The following CNIH3 variants were observed in gnomAD, a reference collection of about 807,000 sequenced individuals.
CNIH3 encodes cornichon family AMPA receptor auxiliary protein 3.
A neutral mutation model predicts 24.1 loss-of-function variants in CNIH3; 14 were observed. The observed-to-expected ratio is 0.58, with a 90% confidence interval of 0.38 to 0.91. CNIH3 has a LOEUF of 0.91. CNIH3 is among the 40% of genes least tolerant of loss of function. CNIH3 has a pLI of 0.00. For synonymous variants in CNIH3, 68 were observed against 73.8 expected (o/e 0.92, Z 0.40); for missense variants, 178 against 196.8 (o/e 0.90, Z 0.57).
At chr1:224,444,250 A>G (rs1463447424) in intron 1 of CNIH3, among the ~76,000 whole-genome samples, 1 of 152,232 alleles carries the variant, frequency 6.6e-6, no homozygotes, top group African/African-American at 2.4e-5. Flanking sequence ...TAATATTGTC[A>G]TCAGATATGC....
In CNIH3 at chr1:224,653,422, CA is replaced by C. The variant is rs60825350; in HGVS notation, c.82-27520del. ...GGGCAGCAAGAGTGAAACTCCACCT[CA>C]AAAAAAAAAAAAAAAGTGACTGTAG... On this transcript the variant is annotated intron_variant, in intron 1 of 5. Transcript: ENST00000272133. 7.8e-3 allele frequency among the ~76,000 whole-genome samples: 889 copies of C among 114,292 alleles called. 2 individuals are homozygous for C. Among genetic ancestry groups the C allele is most frequent in the Non-Finnish European group, 0.013 (636 of 50,334 alleles). The allele number at this position is 114,292 out of a possible 152,430, so 75.0% of individuals were successfully genotyped here.
chr1:224,637,622 G>C (rs1398878501), intron 1 of CNIH3, among the ~76,000 whole-genome samples: 1 of 152,154 alleles, frequency 6.6e-6, no homozygotes, highest in East Asian at 1.9e-4. Context: ...CTTTGTCATA[G>C]TGTTGTCTGG....
chr1:224,467,849 C>G (rs1425737912), intron 1 of CNIH3, among the ~76,000 whole-genome samples: 1 of 150,240 alleles, frequency 6.7e-6, no homozygotes, highest in African/African-American at 2.4e-5. Context: ...ATCAATGATT[C>G]ATTTTAAGTT....
rs1687617128 is a variant in CNIH3 at position 224,703,511 on chromosome 1, CA to C, written c.198+18669del. On this transcript the variant is annotated intron_variant, in intron 3 of 5. Coordinates refer to ENST00000272133, the MANE Select transcript of CNIH3 (RefSeq NM_152495.2). This position sits in a 1 kb window ranked among gnomAD's most constrained non-coding sequence, Gnocchi z 4.2. The stretch of plus-strand genomic sequence containing the variant: ...CACTGTGCAGCTAAGTTGGAAAAAT[CA>C]GTGCCCTAGGGAGCATTTTGCAGTG... 6.6e-6 allele frequency among the ~76,000 whole-genome samples: 1 copy of C among 152,138 alleles called. No homozygotes were observed. Among genetic ancestry groups the C allele is most frequent in the African/African-American group, 2.4e-5 (1 of 41,414 alleles).
chr1:224,512,105 G>T (rs936025034), upstream of CNIH3, among the ~76,000 whole-genome samples: 1 of 151,594 alleles, frequency 6.6e-6, no homozygotes, highest in Non-Finnish European at 1.5e-5. Flanking sequence ...AACCCTGGAG[G>T]TGGAGGTTGC....
At chr1:224,438,778 C>T (rs1674773713) in intron 1 of CNIH3, among the ~76,000 whole-genome samples, 1 of 152,276 alleles carries the variant, frequency 6.6e-6, no homozygotes, top group East Asian at 1.9e-4. Flanking sequence ...TTAACTTTCG[C>T]AGCCCCTCAG....
At chr1:224,537,539 C>T (rs1322244423), downstream of CNIH3, 2 of 152,222 alleles carry the variant, frequency 1.3e-5, no homozygotes, top group Non-Finnish European at 2.9e-5. Context: ...ACGTCTTACA[C>T]ATATTGATTG....
At chr1:224,496,664 C>A (rs781146694) in intron 1 of CNIH3, among the ~76,000 whole-genome samples, 2 of 152,164 alleles carry the variant, frequency 1.3e-5, no homozygotes, top group Non-Finnish European at 2.9e-5. Flanking sequence ...GGATGGGTCC[C>A]TTCCCTCAAA....
At chr1:224,669,337 A>G (rs1412345740) in intron 1 of CNIH3, among the ~76,000 whole-genome samples, 1 of 152,134 alleles carries the variant, frequency 6.6e-6, no homozygotes, top group Non-Finnish European at 1.5e-5. Flanking sequence ...TGTGTTTCCC[A>G]ATTTGTACTC....
rs757269444 is a variant in CNIH3 at position 224,703,748 on chromosome 1, A to T, written c.198+18905A>T. Reference sequence around the variant, plus strand: ...TTTTTCATGAGGCAAAAATATTCCTAGTATTTTTATACATGTGAACATTTC... The same window carrying T: ...TTTTTCATGAGGCAAAAATATTCCTTGTATTTTTATACATGTGAACATTTC... On this transcript the variant is annotated intron_variant, in intron 3 of 5. Coordinates refer to ENST00000272133, the MANE Select transcript of CNIH3 (RefSeq NM_152495.2). The surrounding 1 kb of genome is among the most constrained non-coding windows in gnomAD (Gnocchi z 4.2). Among the ~76,000 whole-genome samples the T allele has an allele frequency of 6.6e-6, 1 of 152,196 alleles. No individual in the cohort carries two copies. The highest frequency in any genetic ancestry group is 1.5e-5 in the Non-Finnish European group (1 of 68,026).
In CNIH3 at chr1:224,573,122, C is replaced by T. The variant is rs775380665; in HGVS notation, n.516+6858C>T. The stretch of plus-strand genomic sequence containing the variant: ...ATATCACTAGTAATGTTCCCAGCAT[C>T]GTTTTGTATTTTAGTAACTTGAGTC... On this transcript the variant is annotated intron_variant and non_coding_transcript_variant, in intron 4 of 5. Coordinates refer to the CNIH3 transcript ENST00000471578. Among the ~76,000 whole-genome samples, 41 of 152,188 alleles carry T rather than the reference C, an allele frequency of 2.7e-4. 1 individual carries two copies. The highest frequency in any genetic ancestry group is 9.8e-4 in the Admixed American group (15 of 15,284).
At chr1:224,652,860 T>C (rs1446836406) in intron 1 of CNIH3, among the ~76,000 whole-genome samples, 2 of 152,132 alleles carry the variant, frequency 1.3e-5, no homozygotes, top group Non-Finnish European at 2.9e-5. Context: ...GGGCTTCTTC[T>C]CTCTGCCTAA....
chr1:224,522,198 A>G (rs1678662728), intron 2 of CNIH3, among the ~76,000 whole-genome samples: 1 of 152,180 alleles, frequency 6.6e-6, no homozygotes, highest in Non-Finnish European at 1.5e-5. Flanking sequence ...AGCTTCTATC[A>G]TCTGAAAGTT....
chr1:224,560,645 TCTAATGC>T (rs1317903452), intron 3 of CNIH3, among the ~76,000 whole-genome samples: 1 of 151,784 alleles, frequency 6.6e-6, no homozygotes, highest in Middle Eastern at 3.2e-3. Context: ...CTTATGAAAA[TCTAATGC>T]CTGATGATCT....
intron 3 of CNIH3, among the ~76,000 whole-genome samples, chr1:224,562,145 T>C (rs1185365987): frequency 2.6e-5 from 4 of 152,234 alleles, no homozygotes; most frequent in Admixed American, 6.5e-5. Flanking sequence ...TACTTTTGTA[T>C]TGGGCTTCAA....
At chr1:224,675,766 A>G (rs1165116954) in intron 1 of CNIH3, among the ~76,000 whole-genome samples, 1 of 152,240 alleles carries the variant, frequency 6.6e-6, no homozygotes, top group Non-Finnish European at 1.5e-5. Context: ...TTACAGCTGT[A>G]ATGATAACTC....
At chr1:224,580,294 T>C (rs1681215743) in intron 4 of CNIH3, among the ~76,000 whole-genome samples, 3 of 152,154 alleles carry the variant, frequency 2.0e-5, no homozygotes, top group Admixed American at 2.0e-4. Context: ...CACTCATCCA[T>C]CTGCTTTCCA....
intron 1 of CNIH3, among the ~76,000 whole-genome samples, chr1:224,457,265 CTCTCTCTCTCTG>C (rs1675704253): frequency 1.3e-5 from 1 of 75,194 alleles, no homozygotes; most frequent in Non-Finnish European, 2.6e-5. Context: ...CTGAGCCCTC[CTCTCTCTCTCTG>C]TGTGTGTGTG....
At chr1:224,660,709 G>A (rs558096805) in intron 1 of CNIH3, among the ~76,000 whole-genome samples, 1 of 152,228 alleles carries the variant, frequency 6.6e-6, no homozygotes, top group East Asian at 1.9e-4. Flanking sequence ...TAAGCCAGAA[G>A]TATATTACCA....
Sources: gnomAD v4.1 joint callset for allele counts (sites outside exome capture counted in the v4.1 genomes callset) on GRCh38, gnomAD v4.1.1 for gene constraint, Gnocchi (gnomAD v3.1) non-coding constraint, MANE v1.5 for transcripts, NCBI Gene and HGNC (gene_info 2026-07-23, HGNC 2026-07-21) for gene names.